HCLS1: variants seen among roughly 807,000 people sequenced by gnomAD.
HCLS1 encodes the protein hematopoietic lineage cell-specific protein.
In HCLS1, 44 loss-of-function variants were observed where a neutral mutation model predicts 68.6. The ratio of observed to expected loss-of-function variants is 0.64; its 90% CI spans 0.50 to 0.82. The LOEUF is 0.82. HCLS1 is among the 40% of genes least tolerant of loss of function. HCLS1 has a pLI of 0.00. For missense variants in HCLS1, 602 were observed against 612.1 expected (o/e 0.98, Z 0.17); for synonymous variants, 217 against 225.8 (o/e 0.96, Z 0.35).
At position 121,632,951 on chromosome 3, in the gene HCLS1, T is replaced by C. The variant is rs189516687; in HGVS notation, c.1008+116A>G. 6 of 663,516 alleles carry C rather than the reference T, an allele frequency of 9.0e-6. No individual in the cohort carries two copies. In the East Asian group the frequency reaches 1.6e-4, roughly 18 times the overall value. The allele number at this position is 663,516 out of a possible 1,614,324, so 41.1% of individuals were successfully genotyped here. On this transcript the variant is annotated intron_variant, in intron 11 of 13. Coordinates refer to ENST00000314583, the MANE Select transcript of HCLS1 (RefSeq NM_005335.6). ...GTTTCCCAGAAGGCAAGGTCTTCAG[T>C]GCTAACACCAGAACAGTGCAAGGCA...
chr3:121,646,873 TG>T (rs1937615922), intron 4 of HCLS1, among the ~76,000 whole-genome samples: 1 of 144,300 alleles, frequency 6.9e-6, no homozygotes, highest in African/African-American at 2.5e-5. Context: ...TATATATAGT[TG>T]GCTCTTATTA....
chr3:121,653,735 A>C (rs1287232526), intron 3 of HCLS1: 1 of 152,202 alleles, frequency 6.6e-6, no homozygotes, highest in African/African-American at 2.4e-5. Flanking sequence ...TTGCTATAAA[A>C]TGTCAGGGCA....
At chr3:121,653,002 G>T (rs763032767) in intron 3 of HCLS1, among the ~76,000 whole-genome samples, 1 of 152,118 alleles carries the variant, frequency 6.6e-6, no homozygotes, top group Non-Finnish European at 1.5e-5. Flanking sequence ...CATCCCAAAC[G>T]CTTGGGACCA....
chr3:121,639,208 T>A (rs1257904933), intron 6 of HCLS1, among the ~76,000 whole-genome samples: 1 of 152,194 alleles, frequency 6.6e-6, no homozygotes, highest in Non-Finnish European at 1.5e-5. Context: ...TATCAACTAA[T>A]AAACCTAATT....
rs545753929 is a variant in HCLS1 at position 121,644,122 on chromosome 3, G to GCTGT, written c.399+692_399+695dup. ...AAAAATCTCAGCTAACTGTGAAGGAGCTGTCCTCTCTCTGTGTGCAGCTGC... is the reference window on the plus strand; with the variant it reads ...AAAAATCTCAGCTAACTGTGAAGGAGCTGTCTGTCCTCTCTCTGTGTGCAGCTGC... On this transcript the variant is annotated intron_variant, in intron 5 of 13. Transcript: ENST00000314583. 54 of 154,588 alleles carry GCTGT rather than the reference G, an allele frequency of 3.5e-4. 5 individuals carry two copies. In the South Asian group the frequency reaches 9.1e-3, roughly 26 times the overall value. The allele number at this position is 154,588 out of a possible 1,614,324, so 9.6% of individuals were successfully genotyped here. A position where few individuals can be genotyped will look rare whatever the true frequency, so the allele number is the denominator to read the frequency against.
chr3:121,657,122 A>G, intron 3 of HCLS1, 157 bp downstream of exon 3: 1 of 624,868 alleles, frequency 1.6e-6, no homozygotes, highest in South Asian at 2.1e-5. Context: ...ACACACAGGT[A>G]CACACAGGAA....
At chr3:121,642,865 A>G in intron 6 of HCLS1, 62 bp downstream of exon 6, 2 of 1,261,584 alleles carry the variant, frequency 1.6e-6, no homozygotes, top group Non-Finnish European at 2.3e-6. Flanking sequence ...TGGAAGATAA[A>G]GTCTTAGCAG....
intron 3 of HCLS1, among the ~76,000 whole-genome samples, chr3:121,651,178 T>C (rs1191294192): frequency 6.6e-6 from 1 of 152,126 alleles, no homozygotes; most frequent in Non-Finnish European, 1.5e-5. Flanking sequence ...CAAGTTATGT[T>C]CTGGGAGAAT....
At chr3:121,634,460 G>C in intron 9 of HCLS1, 42 bp from the exon 10 acceptor site, 1 of 1,590,954 alleles carries the variant, frequency 6.3e-7, no homozygotes, top group Non-Finnish European at 8.6e-7. Context: ...TCTTGGATTG[G>C]AGAGTGGGGA....
chr3:121,658,571 C>T (rs1205637998), intron 1 of HCLS1, among the ~76,000 whole-genome samples: 6 of 152,132 alleles, frequency 3.9e-5, no homozygotes, highest in Admixed American at 3.9e-4. Context: ...TTGATGTGGG[C>T]TGGGCCCACC....
At chr3:121,647,530 A>G (rs7356043) in intron 3 of HCLS1, 82 bp from the exon 4 acceptor site, 356,050 of 1,481,360 alleles carry the variant, frequency 0.24, 43,538 homozygotes, top group East Asian at 0.35. Context: ...GAAGCCTTGA[A>G]GTCTGTCCTG....
chr3:121,642,985 CAGAGA>C lies in HCLS1; in HGVS notation c.400-9_400-5del. On this transcript the variant is annotated splice_region_variant and splice_polypyrimidine_tract_variant and intron_variant, in intron 5 of 13. Coordinates refer to ENST00000314583, the MANE Select transcript of HCLS1 (RefSeq NM_005335.6). ...TATAATCAAAGCCGACTGCTGACTA[CAGAGA>C]AGAGGAGACAGAATTGGTTAGAGTC... 1 of 1,612,032 alleles carries C rather than the reference CAGAGA, an allele frequency of 6.2e-7. No individual in the cohort carries two copies. The highest frequency in any genetic ancestry group is 8.5e-7 in the Non-Finnish European group (1 of 1,178,254).
At chr3:121,645,597 A>G (rs530569246) in intron 4 of HCLS1, among the ~76,000 whole-genome samples, 41 of 152,198 alleles carry the variant, frequency 2.7e-4, no homozygotes, top group African/African-American at 8.9e-4. Flanking sequence ...AGGAGTTACA[A>G]TGTGGTTGGG....
In HCLS1 at chr3:121,637,248, G is replaced by A. The variant is rs371758156; in HGVS notation, c.463C>T (p.Arg155Cys). ...ACCCCGTACCGGCCACCAAAGCCAC[G>A]AGAGTAATCTGTGGTCGAAGGAGCA... ...EKHTSQKDYS[R>C]GFGGRYGVEK... is the part of the protein sequence containing the mutation. Residue 155 changes from arginine (R) to cysteine (C), a missense_variant, in exon 7 of 14, where the codon CGT (arginine) becomes TGT (cysteine). Coordinates refer to ENST00000314583, the MANE Select transcript of HCLS1 (RefSeq NM_005335.6). 36 of 1,611,958 alleles carry A rather than the reference G, an allele frequency of 2.2e-5. No individual in the cohort carries two copies. The highest frequency in any genetic ancestry group is 2.7e-5 in the Non-Finnish European group (32 of 1,178,212).
At chr3:121,636,049 T>A (rs898321416) in intron 8 of HCLS1, among the ~76,000 whole-genome samples, 8 of 152,182 alleles carry the variant, frequency 5.3e-5, no homozygotes. Flanking sequence ...CCAAGCCCAG[T>A]TGCCTAGAAT....
chr3:121,641,255 C>CT (rs2049195068), intron 6 of HCLS1, among the ~76,000 whole-genome samples: 2 of 152,008 alleles, frequency 1.3e-5, no homozygotes, highest in Non-Finnish European at 2.9e-5. Flanking sequence ...GAATGATAGT[C>CT]TGACACAAGA....
chr3:121,631,781 A>T lies in HCLS1; in HGVS notation c.*65T>A. On this transcript the variant is annotated 3_prime_UTR_variant, in exon 14 of 14. Transcript: ENST00000314583. ...TTAGACATTTGCAGCAGGAATAGGG[A>T]GGGGGTGGAGGCAGAGCCACTTTGG... The T allele has an allele frequency of 6.4e-7, 1 of 1,554,182 alleles. No homozygotes were observed. The highest frequency in any genetic ancestry group is 8.8e-7 in the Non-Finnish European group (1 of 1,130,052).
In HCLS1 at chr3:121,649,109, C is replaced by T. The variant is rs1937683185; in HGVS notation, c.159-1661G>A. Among the ~76,000 whole-genome samples, 3 of 152,084 alleles carry T rather than the reference C, an allele frequency of 2.0e-5. No individual in the cohort carries two copies. In the South Asian group the frequency reaches 6.2e-4, roughly 32 times the overall value. ...TTAGAAAATGATACTCAGAAATATT[C>T]ATCTAAAGGATAACAGAAAAACTAG... On this transcript the variant is annotated intron_variant, in intron 3 of 13. Coordinates refer to ENST00000314583, the MANE Select transcript of HCLS1 (RefSeq NM_005335.6).
intron 6 of HCLS1, among the ~76,000 whole-genome samples, chr3:121,637,475 G>A (rs1284921002): frequency 6.6e-6 from 1 of 152,070 alleles, no homozygotes; most frequent in African/African-American, 2.4e-5. Flanking sequence ...TCCATGCCAA[G>A]ATGAGAAGAA....
Sources: allele counts gnomAD v4.1 joint callset (sites outside exome capture counted in the v4.1 genomes callset), GRCh38; gene constraint gnomAD v4.1.1; transcripts MANE v1.5; gene names NCBI Gene and HGNC (gene_info 2026-07-23, HGNC 2026-07-21).